The following CCDC88A variants were observed in gnomAD, a reference collection of about 807,000 sequenced individuals.
The protein encoded by CCDC88A is coiled-coil and HOOK domain protein 88A.
In CCDC88A, 54 loss-of-function variants were observed where a neutral mutation model predicts 234.3. That is an observed-to-expected ratio of 0.23 (90% CI 0.19 to 0.29). The LOEUF (loss-of-function observed/expected upper bound fraction) is 0.29. Ranked by LOEUF, CCDC88A falls within the 10% of genes least tolerant of loss-of-function variation. CCDC88A has a pLI of 1.00. For synonymous variants in CCDC88A, 753 were observed against 737.8 expected, an observed-to-expected ratio of 1.02 and a Z score of -0.33; for missense variants, 1,832 against 2,123.4, an observed-to-expected ratio of 0.86 and a Z score of 2.70.
intron 16 of CCDC88A, among the ~76,000 whole-genome samples, chr2:55,331,161 G>A (rs1275299832): frequency 1.3e-5 from 2 of 152,186 alleles, no homozygotes; most frequent in South Asian, 4.1e-4. Flanking sequence ...ACAACATGCA[G>A]TACAGTGTCT....
intron 5 of CCDC88A, among the ~76,000 whole-genome samples, chr2:55,365,562 T>C (rs778320309): frequency 3.3e-5 from 5 of 152,330 alleles, no homozygotes; most frequent in Non-Finnish European, 7.4e-5. Context: ...ACTTGTTTTT[T>C]ACTTGTACTA....
At chr2:55,388,163 C>T (rs897255372) in intron 3 of CCDC88A, among the ~76,000 whole-genome samples, 1 of 152,088 alleles carries the variant, frequency 6.6e-6, no homozygotes, top group African/African-American at 2.4e-5. Context: ...TAACAAATAT[C>T]AAAGAATCAG....
intron 3 of CCDC88A, among the ~76,000 whole-genome samples, chr2:55,384,595 ATATACGTATATATGTG>A (rs1675234956): frequency 7.5e-6 from 1 of 133,210 alleles, no homozygotes; most frequent in Non-Finnish European, 1.6e-5. Flanking sequence ...ATATACACAT[ATATACGTATATATGTG>A]TATATATACG....
intron 13 of CCDC88A, chr2:55,339,187 G>C (rs1029266542): frequency 2.9e-4 from 76 of 260,548 alleles, no homozygotes; most frequent in Non-Finnish European, 8.6e-5. Flanking sequence ...ACAAACTCCC[G>C]ACCTCAGGTT....
intron 27 of CCDC88A, 136 bp downstream of exon 27, chr2:55,301,736 C>T (rs564321245): frequency 4.2e-6 from 3 of 716,148 alleles, no homozygotes; most frequent in Non-Finnish European, 7.0e-6. Context: ...TTTGAAAGTT[C>T]CTCCAAATCC....
Position 55,334,880 on chromosome 2 carries a change from T to C in CCDC88A, c.1941A>G (p.Lys647=). 1 of 1,516,676 alleles carries C rather than the reference T, an allele frequency of 6.6e-7. No homozygotes were observed. Among genetic ancestry groups the C allele is most frequent in the Non-Finnish European group, 8.9e-7 (1 of 1,117,560 alleles). The allele number at this position is 1,516,676 out of a possible 1,614,324, so 94.0% of individuals were successfully genotyped here. The stretch of plus-strand genomic sequence containing the variant: ...CACAAGTAATTTTTAAATTAGTTAT[T>C]TTTTTCTGTAATAATTCATTTTCTT... ...LEKENELLQK[K]ITNLKITCEK... Residue 647 remains lysine, a synonymous_variant, in exon 15 of 33, where the codon AAA becomes AAG. Transcript: ENST00000436346. The surrounding 1 kb of genome is among the most constrained non-coding windows in gnomAD (Gnocchi z 6.1).
In CCDC88A at chr2:55,290,869, T is replaced by G. The variant is rs545528225; in HGVS notation, c.*331A>C. 6.6e-6 allele frequency: 1 copy of G among 152,664 alleles called. No individual in the cohort carries two copies. Among genetic ancestry groups the G allele is most frequent in the South Asian group, 2.1e-4 (1 of 4,826 alleles). The allele number at this position is 152,664 out of a possible 1,614,324, so 9.5% of individuals were successfully genotyped here. On this transcript the variant is annotated 3_prime_UTR_variant, in exon 33 of 33. Transcript: ENST00000436346. ...AAGCAGATTGTTCTTGGAGTACTTC[T>G]TTAAACACTTAACCTTAAAACACCT... is the stretch of plus-strand genomic sequence containing the variant.
At chr2:55,374,665 C>A in intron 4 of CCDC88A, 149 bp downstream of exon 4, 1 of 473,072 alleles carries the variant, frequency 2.1e-6, no homozygotes, top group East Asian at 2.9e-5. Flanking sequence ...CTAAGCTTGT[C>A]TCTTTCTATA....
chr2:55,386,805 G>C (rs1006812999), intron 3 of CCDC88A, among the ~76,000 whole-genome samples: 3 of 151,776 alleles, frequency 2.0e-5, no homozygotes, highest in Non-Finnish European at 4.4e-5. Context: ...AACAAACAAA[G>C]AACTATCTTC....
chr2:55,392,165 T>C (rs905581799), intron 2 of CCDC88A, among the ~76,000 whole-genome samples: 1 of 152,214 alleles, frequency 6.6e-6, no homozygotes, highest in African/African-American at 2.4e-5. Context: ...GCTTTGTTTC[T>C]GTGTTCTCCT....
chr2:55,384,570 C>T (rs890249707), intron 3 of CCDC88A, among the ~76,000 whole-genome samples: 5 of 90,388 alleles, frequency 5.5e-5, no homozygotes, highest in Admixed American at 1.3e-4. Context: ...CACATATATA[C>T]GTATATATGT....
rs1683132136 is a variant in CCDC88A at position 55,317,491 on chromosome 2, T to C, written c.3602+73A>G. ...GTAAACTAACATTAGATGTGTTTAA[T>C]ATATAAAATTTATTATACTACTTGA... On this transcript the variant is annotated intron_variant, in intron 20 of 32. Coordinates refer to ENST00000436346, the MANE Select transcript of CCDC88A (RefSeq NM_001365480.1). This position sits in a 1 kb window ranked among gnomAD's most constrained non-coding sequence, Gnocchi z 4.2. 1 of 1,193,012 alleles carries C rather than the reference T, an allele frequency of 8.4e-7. No homozygotes were observed. The highest frequency in any genetic ancestry group is 1.1e-6 in the Non-Finnish European group (1 of 875,364). The allele number at this position is 1,193,012 out of a possible 1,614,324, so 73.9% of individuals were successfully genotyped here. A position where few individuals can be genotyped will look rare whatever the true frequency, so the allele number is the denominator to read the frequency against.
chr2:55,351,575 A>AG (rs1008078014), intron 8 of CCDC88A, among the ~76,000 whole-genome samples: 1 of 152,062 alleles, frequency 6.6e-6, no homozygotes, highest in African/African-American at 2.4e-5. Flanking sequence ...CAAACTCCTG[A>AG]GCTCAAGCAA....
rs1313675180 is a variant in CCDC88A at position 55,419,739 on chromosome 2, C to G, written c.-660G>C. ...GGGGGTGGGGGCTTGAATGTGTGTC[C>G]CTAACCCCCCAGCTTCCTAAGCCCT... On this transcript the variant is annotated 5_prime_UTR_variant, in exon 1 of 33. Coordinates refer to ENST00000436346, the MANE Select transcript of CCDC88A (RefSeq NM_001365480.1). The G allele has an allele frequency of 6.6e-6, 1 of 152,194 alleles. No homozygotes were observed. Among genetic ancestry groups the G allele is most frequent in the Non-Finnish European group, 1.5e-5 (1 of 68,220 alleles). 9.4% of individuals were successfully genotyped at this position (152,194 alleles called of 1,614,324 possible).
intron 3 of CCDC88A, among the ~76,000 whole-genome samples, chr2:55,382,305 T>C (rs1674725189): frequency 6.6e-6 from 1 of 152,254 alleles, no homozygotes; most frequent in Non-Finnish European, 1.5e-5. Flanking sequence ...TGGAATCTGT[T>C]CTTTGTTTTT....
At position 55,418,839 on chromosome 2, in the gene CCDC88A, G is replaced by C; in HGVS notation, c.141C>G (p.Phe47Leu). The C allele has an allele frequency of 6.2e-7, 1 of 1,613,934 alleles. No homozygotes were observed. The highest frequency in any genetic ancestry group is 8.5e-7 in the Non-Finnish European group (1 of 1,179,792). Residue 47 changes from phenylalanine to leucine, a missense_variant, in exon 2 of 33, where the codon TTC (phenylalanine) becomes TTG (leucine). Phe to Leu is a conservative substitution (Grantham distance 22). Transcript: ENST00000436346. ...DEYVALVDGVFLNQVMLQINP... is the reference protein window; with the variant it reads ...DEYVALVDGVLLNQVMLQINP... ...ACATTTGGAGCATGACCTGGTTCAA[G>C]AATACCCCATCCACCAAAGCCACAT...
intron 5 of CCDC88A, among the ~76,000 whole-genome samples, chr2:55,369,981 T>C (rs1472149476): frequency 6.6e-6 from 1 of 152,112 alleles, no homozygotes; most frequent in African/African-American, 2.4e-5. Context: ...ATAGCACCCA[T>C]AAACATTAAA....
At chr2:55,390,031 A>G (rs566105159) in intron 2 of CCDC88A, among the ~76,000 whole-genome samples, 262 of 136,500 alleles carry the variant, frequency 1.9e-3, no homozygotes, top group African/African-American at 6.7e-3. Flanking sequence ...ACAGAGCGAG[A>G]CTCAAAAAAA....
chr2:55,350,626 G>A (rs955038372), intron 8 of CCDC88A: 2 of 148,234 alleles, frequency 1.3e-5, no homozygotes, highest in Admixed American at 1.4e-4. Flanking sequence ...AAAATATAAT[G>A]TGTATATTAT....
Sources: allele counts gnomAD v4.1 joint callset (sites outside exome capture counted in the v4.1 genomes callset), GRCh38; gene constraint gnomAD v4.1.1; non-coding constraint Gnocchi (gnomAD v3.1); transcripts MANE v1.5; gene names NCBI Gene and HGNC (gene_info 2026-07-23, HGNC 2026-07-21).